The following PDGFRA variants were observed in gnomAD, a reference collection of about 807,000 sequenced individuals.
PDGFRA encodes the protein platelet-derived growth factor receptor alpha.
In PDGFRA, 25 loss-of-function variants were observed where a neutral mutation model predicts 121.5. The ratio of observed to expected loss-of-function variants is 0.21; its 90% CI spans 0.15 to 0.29. The LOEUF (loss-of-function observed/expected upper bound fraction) is 0.29, where lower values mean the gene tolerates loss of function less well. Ranked by LOEUF, PDGFRA falls within the 10% of genes least tolerant of loss-of-function variation. PDGFRA has a pLI of 1.00. For synonymous variants in PDGFRA, 463 were observed against 494.8 expected (o/e 0.94, Z 0.85); for missense variants, 1,008 against 1,345.1 (o/e 0.75, Z 3.92).
intron 7 of PDGFRA, among the ~76,000 whole-genome samples, chr4:54,269,148 C>G (rs558194623): frequency 6.3e-4 from 96 of 152,168 alleles, no homozygotes; most frequent in African/African-American, 2.0e-3. Context: ...TAATCAGCAT[C>G]CTAGTGTGCC....
chr4:54,281,543 C>G (rs1290140450), intron 16 of PDGFRA: 2 of 1,312,812 alleles, frequency 1.5e-6, no homozygotes, highest in Admixed American at 2.3e-5. Context: ...TTCCTCTCCC[C>G]TCCCATATTG....
intron 1 of PDGFRA, among the ~76,000 whole-genome samples, chr4:54,237,402 T>C (rs1202718166): frequency 3.3e-5 from 5 of 152,214 alleles, no homozygotes; most frequent in Non-Finnish European, 5.9e-5. Context: ...GGAAAAGCAG[T>C]GAGCCCTTCT....
chr4:54,274,435 A>G (rs1188699725), intron 10 of PDGFRA, 96 bp from the exon 11 acceptor site: 4 of 878,634 alleles, frequency 4.6e-6, no homozygotes, highest in Non-Finnish European at 7.7e-6. Context: ...ACCAGCAGTG[A>G]GAGATTCCTG....
At chr4:54,288,971 C>T in intron 20 of PDGFRA, 38 bp from the exon 21 acceptor site, 1 of 1,524,026 alleles carries the variant, frequency 6.6e-7, no homozygotes, top group South Asian at 1.1e-5. Flanking sequence ...GGCCCTGAGA[C>T]TTCCCCCTGT....
intron 1 of PDGFRA, among the ~76,000 whole-genome samples, chr4:54,255,796 C>G (rs1199478075): frequency 6.6e-6 from 1 of 152,006 alleles, no homozygotes; most frequent in Non-Finnish European, 1.5e-5. Flanking sequence ...TGAGCCACTG[C>G]GCCCTTCCCT....
chr4:54,231,646 C>G (rs1381166792), intron 1 of PDGFRA, among the ~76,000 whole-genome samples: 2 of 152,258 alleles, frequency 1.3e-5, no homozygotes, highest in Non-Finnish European at 2.9e-5. Flanking sequence ...CTCGACTCCC[C>G]GACAGGCGCA....
intron 1 of PDGFRA, among the ~76,000 whole-genome samples, chr4:54,231,034 G>A (rs1429851309): frequency 6.6e-6 from 1 of 152,196 alleles, no homozygotes; most frequent in African/African-American, 2.4e-5. Context: ...GAGAGCTGCC[G>A]ATGGCCTGGC....
At chr4:54,258,995 G>T (rs1466237329) in intron 2 of PDGFRA, among the ~76,000 whole-genome samples, 178 bp downstream of exon 2, 6 of 152,142 alleles carry the variant, frequency 3.9e-5, no homozygotes, top group Non-Finnish European at 2.9e-5. Context: ...TTGCTGTATT[G>T]CACTTACTCC....
chr4:54,231,372 TAGAC>T (rs923702776), intron 1 of PDGFRA, among the ~76,000 whole-genome samples: 16 of 152,126 alleles, frequency 1.1e-4, no homozygotes, highest in African/African-American at 3.9e-4. Flanking sequence ...TGACAAGAAC[TAGAC>T]AGATTTTTGG....
intron 1 of PDGFRA, among the ~76,000 whole-genome samples, chr4:54,252,602 A>T (rs1722115677): frequency 6.6e-6 from 1 of 152,222 alleles, no homozygotes; most frequent in South Asian, 2.1e-4. Context: ...AAAAAAAAGA[A>T]GATGTGTAAT....
chr4:54,264,782 C>T, intron 4 of PDGFRA, 137 bp from the exon 5 acceptor site: 1 of 757,274 alleles, frequency 1.3e-6, no homozygotes, highest in Non-Finnish European at 2.2e-6. Context: ...GTGAGATTTT[C>T]CAAATTTTAT....
intron 1 of PDGFRA, among the ~76,000 whole-genome samples, chr4:54,252,148 G>A (rs1722081190): frequency 6.6e-6 from 1 of 152,212 alleles, no homozygotes; most frequent in East Asian, 1.9e-4. Flanking sequence ...GAAGAAATAA[G>A]AGGGATGGCT....
Position 54,273,597 on chromosome 4 carries a change from G to T in PDGFRA, c.1425G>T (p.Glu475Asp), listed in dbSNP as rs200309940. ...ACAATGTCTCAAACATCATCACGGAGATCCACTCCCGAGACAGGAGTACCG... is the reference window on the plus strand; with the variant it reads ...ACAATGTCTCAAACATCATCACGGATATCCACTCCCGAGACAGGAGTACCG... ...LANNVSNIIT[E>D]IHSRDRSTVE... The change falls in exon 10 of 23, where the codon GAG becomes GAT. Residue 475 changes from glutamate (E) to aspartate (D), a missense_variant. Glu to Asp is a conservative substitution (Grantham distance 45, BLOSUM62 2). Coordinates refer to ENST00000257290, the MANE Select transcript of PDGFRA (RefSeq NM_006206.6). The T allele has an allele frequency of 1.9e-5, 30 of 1,613,956 alleles. No homozygotes were observed. The highest frequency in any genetic ancestry group is 2.5e-5 in the Non-Finnish European group (29 of 1,179,998).
chr4:54,231,683 C>G (rs1317088237), intron 1 of PDGFRA, among the ~76,000 whole-genome samples: 1 of 152,276 alleles, frequency 6.6e-6, no homozygotes, highest in Non-Finnish European at 1.5e-5. Flanking sequence ...CTTTGACGCC[C>G]TGGTCAGGCC....
At position 54,278,515 on chromosome 4, in the gene PDGFRA, G is replaced by A. The variant is rs2110317092; in HGVS notation, c.2156G>A (p.Ser719Asn). ...GLNPADESTR[S>N]YVILSFENNG... ...AACCCTGCTGATGAAAGCACACGGA[G>A]GTGGGTGCAAAGAGAGATGTTGCTG... The change falls in exon 15 of 23, where the codon AGC becomes AAC. Residue 719 changes from serine (S) to asparagine (N), a missense_variant and splice_region_variant. Ser to Asn is a conservative substitution (Grantham distance 46). Transcript: ENST00000257290. The A allele has an allele frequency of 6.2e-7, 1 of 1,613,926 alleles. No individual in the cohort carries two copies. The highest frequency in any genetic ancestry group is 8.5e-7 in the Non-Finnish European group (1 of 1,179,854).
intron 1 of PDGFRA, among the ~76,000 whole-genome samples, chr4:54,251,181 G>GC (rs1411865610): frequency 6.6e-6 from 1 of 152,020 alleles, no homozygotes; most frequent in Non-Finnish European, 1.5e-5. Context: ...AAGGAATGTG[G>GC]CCCAATATCA....
rs745983139 is a variant in PDGFRA at position 54,274,934 on chromosome 4, G to A, written c.1747G>A (p.Asp583Asn). ...TGTGGACCCGATGCAGCTGCCTTAT[G>A]ACTCAAGATGGGAGTTTCCAAGAGA... ...IYVDPMQLPY[D>N]SRWEFPRDGL... Residue 583 changes from aspartate (D) to asparagine (N), a missense_variant, in exon 12 of 23, where the codon GAC (aspartate) becomes AAC (asparagine). Physicochemically the swap from Asp to Asn is conservative, Grantham distance 23. Coordinates refer to ENST00000257290, the MANE Select transcript of PDGFRA (RefSeq NM_006206.6). 6.2e-7 allele frequency: 1 copy of A among 1,614,144 alleles called. No homozygotes were observed. Among genetic ancestry groups the A allele is most frequent in the South Asian group, 1.1e-5 (1 of 91,074 alleles).
intron 1 of PDGFRA, among the ~76,000 whole-genome samples, chr4:54,256,457 C>T (rs1479639029): frequency 6.6e-6 from 1 of 151,666 alleles, no homozygotes; most frequent in Non-Finnish European, 1.5e-5. Flanking sequence ...AGGCTGGTCT[C>T]GAACTCCTGA....
At position 54,273,615 on chromosome 4, in the gene PDGFRA, G is replaced by A. The variant is rs1366000832; in HGVS notation, c.1443G>A (p.Arg481=). 2 of 1,613,998 alleles carry A rather than the reference G, an allele frequency of 1.2e-6. No individual in the cohort carries two copies. The highest frequency in any genetic ancestry group is 2.7e-5 in the African/African-American group (2 of 74,918). Reference sequence around the variant, plus strand: ...TCACGGAGATCCACTCCCGAGACAGGAGTACCGTGGAGGGCCGTGTGACTT... The same window carrying A: ...TCACGGAGATCCACTCCCGAGACAGAAGTACCGTGGAGGGCCGTGTGACTT... ...NIITEIHSRD[R]STVEGRVTFA... Residue 481 remains arginine, a synonymous_variant, in exon 10 of 23, where the codon AGG becomes AGA. Transcript: ENST00000257290.
Sources: allele counts gnomAD v4.1 joint callset (sites outside exome capture counted in the v4.1 genomes callset), GRCh38; gene constraint gnomAD v4.1.1; transcripts MANE v1.5; gene names NCBI Gene and HGNC (gene_info 2026-07-23, HGNC 2026-07-21).